B3GNT5: variants seen among roughly 807,000 people sequenced by gnomAD.
The protein encoded by B3GNT5 is UDP-GlcNAc:betaGal beta-1,3-N-acetylglucosaminyltransferase 5, also known as lactosylceramide 1,3-N-acetyl-beta-D-glucosaminyltransferase.
B3GNT5 carries 11 observed loss-of-function variants against 25.9 expected under a neutral mutation model. That is an observed-to-expected ratio of 0.42 (90% CI 0.27 to 0.70). The LOEUF is 0.70. B3GNT5 is among the 30% of genes least tolerant of loss of function. The probability of loss-of-function intolerance (pLI) is 0.23; values close to 1 mark genes in which losing one functional copy is unlikely to be tolerated. For synonymous variants in B3GNT5, 166 were observed against 158.6 expected, an observed-to-expected ratio of 1.05 and a Z score of -0.35; for missense variants, 385 against 458.4, an observed-to-expected ratio of 0.84 and a Z score of 1.46.
chr3:183,271,637 T>TTAAG lies in B3GNT5; in HGVS notation c.*705_*708dup, dbSNP rs1462315681. On this transcript the variant is annotated 3_prime_UTR_variant, in exon 2 of 2. Transcript: ENST00000326505. ...TTATATGTTTTTAATGGATTTTTTT[T>TTAAG]TAAGTATTAGAAAATGACACATAAC... 1 of 167,086 alleles carries TTAAG rather than the reference T, an allele frequency of 6.0e-6. No homozygotes were observed. Among genetic ancestry groups the TTAAG allele is most frequent in the Non-Finnish European group, 1.5e-5 (1 of 68,106 alleles). 10.4% of individuals were successfully genotyped at this position (167,086 alleles called of 1,614,324 possible).
intron 1 of B3GNT5, among the ~76,000 whole-genome samples, chr3:183,257,614 C>T (rs1035623696): frequency 9.9e-5 from 15 of 152,154 alleles, no homozygotes; most frequent in Admixed American, 7.2e-4. Flanking sequence ...TTGTTTTACA[C>T]CATCTTCTAC....
intron 1 of B3GNT5, among the ~76,000 whole-genome samples, chr3:183,268,445 T>A (rs1450571647): frequency 1.3e-5 from 2 of 150,338 alleles, no homozygotes; most frequent in African/African-American, 2.5e-5. Flanking sequence ...CATGAAGGGG[T>A]GAAGAGAGAT....
At chr3:183,261,404 T>C (rs1725570178) in intron 1 of B3GNT5, among the ~76,000 whole-genome samples, 1 of 152,198 alleles carries the variant, frequency 6.6e-6, no homozygotes, top group Non-Finnish European at 1.5e-5. Flanking sequence ...CTTTCTTTCC[T>C]TTAGTTATGT....
intron 1 of B3GNT5, chr3:183,254,153 A>G (rs1446504626): frequency 6.6e-6 from 1 of 151,628 alleles, no homozygotes; most frequent in Non-Finnish European, 1.5e-5. Context: ...CTCCGGGCCG[A>G]GCGAGGTCTC....
In B3GNT5 at chr3:183,272,874, C is replaced by CA. The variant is rs1726903584; in HGVS notation, c.*1940dup. ...GCCATCAAAGTGATCTTGTTTACAGCAGTGCTTTTGTGAAACAATTATTTA... is the reference window on the plus strand; with the variant it reads ...GCCATCAAAGTGATCTTGTTTACAGCAAGTGCTTTTGTGAAACAATTATTTA... On this transcript the variant is annotated 3_prime_UTR_variant, in exon 2 of 2. Transcript: ENST00000326505. 1 of 1,294,702 alleles carries CA rather than the reference C, an allele frequency of 7.7e-7. No individual in the cohort carries two copies. The highest frequency in any genetic ancestry group is 4.2e-5 in the Admixed American group (1 of 23,988). 80.2% of individuals were successfully genotyped at this position (1,294,702 alleles called of 1,614,324 possible).
At chr3:183,263,432 C>T (rs1209777041) in intron 1 of B3GNT5, among the ~76,000 whole-genome samples, 1 of 152,146 alleles carries the variant, frequency 6.6e-6, no homozygotes, top group Non-Finnish European at 1.5e-5. Flanking sequence ...CCACTTAGAG[C>T]TCCAAGACCA....
Position 183,273,136 on chromosome 3 carries a change from CTT to C in B3GNT5, c.*2205_*2206del, listed in dbSNP as rs1160502995. ...TTTTGGTGCTCCAGTGTAGGGCTAT[CTT>C]TTTAAAAAATGTCAACAAAGGGAAA... On this transcript the variant is annotated 3_prime_UTR_variant, in exon 2 of 2. Transcript: ENST00000326505. 8 of 722,970 alleles carry C rather than the reference CTT, an allele frequency of 1.1e-5. No homozygotes were observed. Among genetic ancestry groups the C allele is most frequent in the Admixed American group, 3.8e-5 (1 of 26,258 alleles). 44.8% of individuals were successfully genotyped at this position (722,970 alleles called of 1,614,324 possible).
At position 183,254,536 on chromosome 3, in the gene B3GNT5, G is replaced by A. The variant is rs1724851426; in HGVS notation, c.-302+1064G>A. ...TCGGGGGCCGGGCAGCTCCGGTTGG[G>A]GCGGCTTCCCGGGGCCTGCGGGTCC... is the stretch of plus-strand genomic sequence containing the variant. On this transcript the variant is annotated intron_variant, in intron 1 of 1. Transcript: ENST00000326505. 4 of 152,218 alleles carry A rather than the reference G, an allele frequency of 2.6e-5. No individual in the cohort carries two copies. The South Asian group carries it at 8.3e-4, about 31-fold the overall frequency. 9.4% of individuals were successfully genotyped at this position (152,218 alleles called of 1,614,324 possible). A position where few individuals can be genotyped will look rare whatever the true frequency, so the allele number is the denominator to read the frequency against.
chr3:183,255,817 A>AAG (rs1724992900), intron 1 of B3GNT5, among the ~76,000 whole-genome samples: 1 of 152,094 alleles, frequency 6.6e-6, no homozygotes, highest in African/African-American at 2.4e-5. Context: ...TAAAAAAAAA[A>AAG]AAAAAGAAAA....
chr3:183,255,491 T>C (rs910265960), intron 1 of B3GNT5, among the ~76,000 whole-genome samples: 1 of 152,208 alleles, frequency 6.6e-6, no homozygotes, highest in Non-Finnish European at 1.5e-5. Flanking sequence ...GCTCTGAGCA[T>C]TGACTGAGCA....
chr3:183,269,004 A>T (rs1198964124), intron 1 of B3GNT5, among the ~76,000 whole-genome samples: 1 of 152,082 alleles, frequency 6.6e-6, no homozygotes, highest in Non-Finnish European at 1.5e-5. Context: ...CTTGATTATG[A>T]ACCTTAATTT....
chr3:183,268,080 TC>T (rs1450488908), intron 1 of B3GNT5, among the ~76,000 whole-genome samples: 1 of 152,176 alleles, frequency 6.6e-6, no homozygotes, highest in Non-Finnish European at 1.5e-5. Flanking sequence ...AATTCAGGCT[TC>T]CCAGAGAAGG....
At chr3:183,264,219 T>A (rs981255243) in intron 1 of B3GNT5, among the ~76,000 whole-genome samples, 13 of 152,200 alleles carry the variant, frequency 8.5e-5, no homozygotes, top group Admixed American at 2.0e-4. Context: ...AAATCTTCTA[T>A]CTGCCATACA....
intron 1 of B3GNT5, among the ~76,000 whole-genome samples, chr3:183,256,300 A>T (rs1246881606): frequency 2.0e-5 from 3 of 152,206 alleles, no homozygotes; most frequent in Admixed American, 6.5e-5. Flanking sequence ...GTGAGCGAAG[A>T]TGTAACCAGA....
At chr3:183,257,958 CTTTTTTTTTTTTTTT>C (rs35323502) in intron 1 of B3GNT5, among the ~76,000 whole-genome samples, 1 of 64,724 alleles carries the variant, frequency 1.5e-5, no homozygotes, top group East Asian at 6.0e-4. Flanking sequence ...CCACTTCACC[CTTTTTTTTTTTTTTT>C]TTTTTTTTTT....
chr3:183,270,228 A>T lies in B3GNT5; in HGVS notation c.430A>T (p.Arg144Ter). Residue 144 changes from arginine (R) to a stop codon, truncating the protein, a stop_gained, in exon 2 of 2, where the codon AGA becomes TGA. Coordinates refer to ENST00000326505, the MANE Select transcript of B3GNT5 (RefSeq NM_032047.5). LOFTEE classifies it high-confidence loss of function. This position sits in a 1 kb window ranked among gnomAD's most constrained non-coding sequence, Gnocchi z 4.5. ...TCCACTGGAGGGAGAAGAACTACAA[A>T]GAAAACTGGCTTGGGAAGATCAAAG... ...PNPLEGEELQ[R>*]KLAWEDQRYN... The T allele has an allele frequency of 6.2e-7, 1 of 1,614,214 alleles. No individual in the cohort carries two copies. The highest frequency in any genetic ancestry group is 8.5e-7 in the Non-Finnish European group (1 of 1,180,028).
At chr3:183,263,013 A>G (rs1020102883) in intron 1 of B3GNT5, among the ~76,000 whole-genome samples, 6 of 151,834 alleles carry the variant, frequency 4.0e-5, no homozygotes, top group African/African-American at 1.5e-4. Context: ...GTGAGGAAGA[A>G]AGGTCAGGAG....
In B3GNT5 at chr3:183,253,430, A is replaced by G. The variant is rs1406646917; in HGVS notation, c.-344A>G. 6.6e-6 allele frequency: 1 copy of G among 152,028 alleles called. No homozygotes were observed. Among genetic ancestry groups the G allele is most frequent in the African/African-American group, 2.4e-5 (1 of 41,384 alleles). The allele number at this position is 152,028 out of a possible 1,614,324, so 9.4% of individuals were successfully genotyped here. A position where few individuals can be genotyped will look rare whatever the true frequency, so the allele number is the denominator to read the frequency against. Reference sequence around the variant, plus strand: ...TAAAGAGCTGGGCTTGAACTTCGTGAGTTTCGCTCTAAACTGCCCTTGAAA... The same window carrying G: ...TAAAGAGCTGGGCTTGAACTTCGTGGGTTTCGCTCTAAACTGCCCTTGAAA... On this transcript the variant is annotated 5_prime_UTR_variant, in exon 1 of 2. Transcript: ENST00000326505.
At chr3:183,258,117 T>A (rs561391993) in intron 1 of B3GNT5, among the ~76,000 whole-genome samples, 2 of 151,710 alleles carry the variant, frequency 1.3e-5, no homozygotes, top group African/African-American at 2.4e-5. Flanking sequence ...ACAGGCATGC[T>A]CCACCACACC....
Sources: gnomAD v4.1 joint callset for allele counts (sites outside exome capture counted in the v4.1 genomes callset) on GRCh38, gnomAD v4.1.1 for gene constraint, Gnocchi (gnomAD v3.1) non-coding constraint, MANE v1.5 for transcripts, NCBI Gene and HGNC (gene_info 2026-07-23, HGNC 2026-07-21) for gene names.